The following INTS13 variants were observed in gnomAD, a reference collection of about 807,000 sequenced individuals.
INTS13 encodes integrator complex subunit 13.
Under a neutral mutation model 90.2 loss-of-function variants are expected in INTS13, and 35 were observed. The ratio of observed to expected loss-of-function variants is 0.39; its 90% CI spans 0.30 to 0.51. The LOEUF (loss-of-function observed/expected upper bound fraction) is 0.51, where lower values mean the gene tolerates loss of function less well. INTS13 is among the 20% of genes least tolerant of loss of function. The probability of loss-of-function intolerance (pLI) is 0.80; values close to 1 mark genes in which losing one functional copy is unlikely to be tolerated. For missense variants in INTS13, 601 were observed against 851.2 expected (o/e 0.71, Z 3.66); for synonymous variants, 309 against 277.1 (o/e 1.11, Z -1.14).
At chr12:26,930,339 C>CTTTT (rs1281719083) in intron 3 of INTS13, among the ~76,000 whole-genome samples, 4 of 152,100 alleles carry the variant, frequency 2.6e-5, no homozygotes, top group Admixed American at 1.3e-4. Flanking sequence ...CTGGCCAAAA[C>CTTTT]AATCTTCAAA....
intron 8 of INTS13, 98 bp from the exon 9 acceptor site, chr12:26,917,831 ATAAT>A: frequency 5.6e-6 from 5 of 898,658 alleles, no homozygotes; most frequent in Non-Finnish European, 6.9e-6. Flanking sequence ...AATTTAAAAA[ATAAT>A]AAAAGCGGCC....
Position 26,925,818 on chromosome 12 carries a change from C to G in INTS13, c.618G>C (p.Leu206Phe), listed in dbSNP as rs1937837567. Residue 206 changes from leucine (L) to phenylalanine (F), a missense_variant, in exon 6 of 17, where the codon TTG becomes TTC. Leu to Phe is a conservative substitution (Grantham distance 22). Transcript: ENST00000261191. Reference sequence around the variant, plus strand: ...CTTCACCAACTGGGTAGGTGTGGATCAAGACCAACTCACATTTTTGAATCT... The same window carrying G: ...CTTCACCAACTGGGTAGGTGTGGATGAAGACCAACTCACATTTTTGAATCT... ...LMQIQKCELV[L>F]IHTYPVGEDS... The G allele has an allele frequency of 6.2e-7, 1 of 1,613,042 alleles. No individual in the cohort carries two copies. The highest frequency in any genetic ancestry group is 8.5e-7 in the Non-Finnish European group (1 of 1,179,380).
chr12:26,924,044 T>A (rs909632335), intron 7 of INTS13, among the ~76,000 whole-genome samples: 2 of 152,194 alleles, frequency 1.3e-5, no homozygotes, highest in African/African-American at 4.8e-5. Flanking sequence ...TTTCAGTATT[T>A]ACTGACCTGG....
chr12:26,911,135 T>A (rs899895365), intron 15 of INTS13, 43 bp downstream of exon 15: 1 of 1,580,688 alleles, frequency 6.3e-7, no homozygotes, highest in Non-Finnish European at 8.6e-7. Flanking sequence ...ACACCCGGCC[T>A]GGAAAACTTT....
At chr12:26,924,744 T>A (rs1937773723) in intron 6 of INTS13, among the ~76,000 whole-genome samples, 2 of 152,148 alleles carry the variant, frequency 1.3e-5, no homozygotes, top group Non-Finnish European at 2.9e-5. Flanking sequence ...ACAGACATAA[T>A]CCCTGTCCTC....
chr12:26,936,851 C>T (rs1405485812), intron 1 of INTS13, 37 bp from the exon 2 acceptor site: 1 of 1,332,350 alleles, frequency 7.5e-7, no homozygotes, highest in South Asian at 1.2e-5. Flanking sequence ...AATATTTGTA[C>T]ATAACATCTT....
intron 8 of INTS13, among the ~76,000 whole-genome samples, chr12:26,921,433 T>C (rs1952116313): frequency 6.6e-6 from 1 of 152,224 alleles, no homozygotes; most frequent in African/African-American, 2.4e-5. Flanking sequence ...CATGGCTATC[T>C]TTCTCAGTAT....
At chr12:26,928,553 GC>G in intron 4 of INTS13, 149 bp downstream of exon 4, 4 of 711,628 alleles carry the variant, frequency 5.6e-6, no homozygotes, top group Non-Finnish European at 8.8e-6. Flanking sequence ...ATATTAAAAG[GC>G]AAAAAAAAAA....
intron 15 of INTS13, among the ~76,000 whole-genome samples, chr12:26,909,944 G>A (rs1592196238): frequency 2.6e-5 from 4 of 152,078 alleles, no homozygotes; most frequent in East Asian, 1.9e-4. Context: ...ACATCAGGTA[G>A]TCTAATGACG....
intron 3 of INTS13, among the ~76,000 whole-genome samples, chr12:26,930,093 GAAATA>G (rs1325901307): frequency 6.6e-6 from 1 of 151,122 alleles, no homozygotes; most frequent in Non-Finnish European, 1.5e-5. Context: ...AAAATACTTA[GAAATA>G]AATTTAACAA....
intron 15 of INTS13, 154 bp from the exon 16 acceptor site, chr12:26,906,591 C>G: frequency 1.3e-6 from 1 of 763,798 alleles, no homozygotes; most frequent in South Asian, 1.8e-5. Flanking sequence ...TTAAGGCAAT[C>G]ATTTTCCTCT....
intron 3 of INTS13, 23 bp from the exon 4 acceptor site, chr12:26,928,928 A>T (rs1938036280): frequency 1.9e-6 from 3 of 1,605,428 alleles, no homozygotes; most frequent in Non-Finnish European, 2.6e-6. Flanking sequence ...GAAAACAATT[A>T]TGTTGACAAG....
rs115591070 is a variant in INTS13 at position 26,918,991 on chromosome 12, C to A, written c.890-1258G>T. ...CTAGCCTGGGCAACATAGTGAGACCCTGTCTCTATGGAAAAAATACAAAAA... is the reference window on the plus strand; with the variant it reads ...CTAGCCTGGGCAACATAGTGAGACCATGTCTCTATGGAAAAAATACAAAAA... On this transcript the variant is annotated intron_variant, in intron 8 of 16. Transcript: ENST00000261191. 597 of 354,950 alleles carry A rather than the reference C, an allele frequency of 1.7e-3. 1 individual carries two copies. The highest frequency in any genetic ancestry group is 9.5e-3 in the African/African-American group (455 of 48,030). The allele number at this position is 354,950 out of a possible 1,614,324, so 22.0% of individuals were successfully genotyped here.
intron 3 of INTS13, among the ~76,000 whole-genome samples, chr12:26,929,411 G>A (rs551101005): frequency 1.3e-5 from 2 of 152,130 alleles, no homozygotes; most frequent in South Asian, 4.1e-4. Context: ...CAAGGTGATA[G>A]GAAAGAAAAA....
At chr12:26,906,610 A>C in intron 15 of INTS13, 173 bp from the exon 16 acceptor site, 1 of 678,484 alleles carries the variant, frequency 1.5e-6, no homozygotes, top group Non-Finnish European at 2.4e-6. Flanking sequence ...CTTACTCTAA[A>C]ATTTATGTGT....
intron 15 of INTS13, among the ~76,000 whole-genome samples, chr12:26,907,407 C>G (rs1310953613): frequency 6.6e-6 from 1 of 152,106 alleles, no homozygotes; most frequent in Non-Finnish European, 1.5e-5. Context: ...ACATCGTAGG[C>G]AAAAGGATTA....
At chr12:26,914,599 T>C in intron 11 of INTS13, 21 bp from the exon 12 acceptor site, 1 of 1,570,690 alleles carries the variant, frequency 6.4e-7, no homozygotes, top group Non-Finnish European at 8.7e-7. Context: ...CCAAATAAGA[T>C]AAAATTAGAA....
upstream of INTS13, chr12:26,938,124 AG>A (rs568645255): frequency 4.6e-5 from 7 of 152,420 alleles, no homozygotes; most frequent in African/African-American, 7.3e-5. Flanking sequence ...GGGGCCAAGG[AG>A]GAAAAAAAAA....
intron 15 of INTS13, among the ~76,000 whole-genome samples, chr12:26,907,066 T>C (rs1951632895): frequency 6.6e-6 from 1 of 152,212 alleles, no homozygotes; most frequent in African/African-American, 2.4e-5. Flanking sequence ...CAGCCAAACC[T>C]GCAAGCAGGC....
Sources: gnomAD v4.1 joint callset for allele counts (sites outside exome capture counted in the v4.1 genomes callset) on GRCh38, gnomAD v4.1.1 for gene constraint, MANE v1.5 for transcripts, NCBI Gene and HGNC (gene_info 2026-07-23, HGNC 2026-07-21) for gene names.